COL4A4: variants seen among roughly 807,000 people sequenced by gnomAD.
COL4A4 encodes collagen alpha-4(IV) chain.
In COL4A4, 105 loss-of-function variants were observed where a neutral mutation model predicts 192.9. The ratio of observed to expected loss-of-function variants is 0.54; its 90% confidence interval spans 0.46 to 0.64. The LOEUF (loss-of-function observed/expected upper bound fraction) is 0.64, where lower values mean the gene tolerates loss of function less well. COL4A4 is among the 30% of genes least tolerant of loss of function. The pLI is 0.00. For synonymous variants in COL4A4, 762 were observed against 769.9 expected, an observed-to-expected ratio of 0.99 and a Z score of 0.17; for missense variants, 1,967 against 2,169.3, an observed-to-expected ratio of 0.91 and a Z score of 1.85.
chr2:227,143,307 A>C (rs2063342829), intron 3 of COL4A4, among the ~76,000 whole-genome samples: 1 of 152,232 alleles, frequency 6.6e-6, no homozygotes, highest in Non-Finnish European at 1.5e-5. Context: ...GGGCATATTT[A>C]TCTGTATGCA....
At chr2:227,122,329 A>G (rs1345553381) in intron 4 of COL4A4, among the ~76,000 whole-genome samples, 1 of 152,228 alleles carries the variant, frequency 6.6e-6, no homozygotes, top group Non-Finnish European at 1.5e-5. Flanking sequence ...CATACCTCTC[A>G]AAATTTTTGC....
At chr2:227,026,972 G>A (rs79981790) in intron 42 of COL4A4, among the ~76,000 whole-genome samples, 4,229 of 152,174 alleles carry the variant, frequency 0.028, 174 homozygotes, top group African/African-American at 0.097. Context: ...CAGTCTATGT[G>A]GGCCAAGCAC....
At chr2:227,154,478 G>A (rs2064186382) in intron 1 of COL4A4, among the ~76,000 whole-genome samples, 1 of 152,190 alleles carries the variant, frequency 6.6e-6, no homozygotes, top group African/African-American at 2.4e-5. Context: ...AAAGGTAACA[G>A]AAGCCTAAAA....
Position 227,108,817 on chromosome 2 carries a change from G to T in COL4A4, c.693+16C>A, listed in dbSNP as rs745976462. On this transcript the variant is annotated intron_variant, in intron 11 of 47. Transcript: ENST00000396625. Reference sequence around the variant, plus strand: ...GTTCAGGGCTCTATTGATGTATCTTGCTCATGACTGCCTACCTTCAAACCT... The same window carrying T: ...GTTCAGGGCTCTATTGATGTATCTTTCTCATGACTGCCTACCTTCAAACCT... The T allele has an allele frequency of 3.7e-6, 6 of 1,610,514 alleles. No individual in the cohort carries two copies. Among genetic ancestry groups the T allele is most frequent in the Non-Finnish European group, 3.4e-6 (4 of 1,177,836 alleles).
chr2:227,015,947 A>G (rs1009022951), intron 44 of COL4A4, among the ~76,000 whole-genome samples: 7 of 151,996 alleles, frequency 4.6e-5, no homozygotes, highest in Admixed American at 2.0e-4. Flanking sequence ...CTTTTGTAAT[A>G]AAGTTTTTTT....
At chr2:227,119,474 A>G (rs2061661985) in intron 6 of COL4A4, among the ~76,000 whole-genome samples, 2 of 148,902 alleles carry the variant, frequency 1.3e-5, no homozygotes, top group East Asian at 3.9e-4. Context: ...TACTATATAA[A>G]ATATATGTAA....
chr2:226,991,673 G>A, the COL4A4 span, among the ~76,000 whole-genome samples: 1 of 152,164 alleles, frequency 6.6e-6, no homozygotes, highest in African/African-American at 2.4e-5. Flanking sequence ...CAACAAAGGA[G>A]CTACTCAGTA....
chr2:227,160,976 T>C (rs1006428009), intron 1 of COL4A4, among the ~76,000 whole-genome samples: 6 of 152,110 alleles, frequency 3.9e-5, no homozygotes, highest in African/African-American at 7.2e-5. Flanking sequence ...GGAGATGAAA[T>C]GAAACAAGAT....
Position 227,031,860 on chromosome 2 carries a change from G to A in COL4A4, c.3817+85C>T, listed in dbSNP as rs1559454076. 6.1e-6 allele frequency: 6 copies of A among 987,220 alleles called. No individual in the cohort carries two copies. The East Asian group carries it at 1.3e-4, about 21-fold the overall frequency. 61.2% of individuals were successfully genotyped at this position (987,220 alleles called of 1,614,324 possible). A position where few individuals can be genotyped will look rare whatever the true frequency, so the allele number is the denominator to read the frequency against. On this transcript the variant is annotated intron_variant, in intron 40 of 47. Transcript: ENST00000396625. ...GGGGCTGCTTCAGTGCTTCTATTCTGCCACTCTCTGGTCCCACATTCCTCC... is the reference window on the plus strand; with the variant it reads ...GGGGCTGCTTCAGTGCTTCTATTCTACCACTCTCTGGTCCCACATTCCTCC...
At position 227,101,498 on chromosome 2, in the gene COL4A4, T is replaced by G. The variant is rs2060519383; in HGVS notation, c.1029+6A>C. 1 of 1,606,782 alleles carries G rather than the reference T, an allele frequency of 6.2e-7. No homozygotes were observed. Among genetic ancestry groups the G allele is most frequent in the Non-Finnish European group, 8.5e-7 (1 of 1,175,816 alleles). ...CAGGATATATTAAAATAGGCTCACT[T>G]TTTACCTTTGGGCCAATTAATCCAA... On this transcript the variant is annotated splice_donor_region_variant and intron_variant, in intron 17 of 47. Transcript: ENST00000396625.
intron 2 of COL4A4, 68 bp from the exon 3 acceptor site, chr2:227,144,626 G>T: frequency 7.7e-7 from 1 of 1,292,984 alleles, no homozygotes; most frequent in Non-Finnish European, 1.1e-6. Context: ...AAGAAAAAGA[G>T]TAAAGGAATT....
At chr2:227,009,346 C>G (rs1435468572) in intron 46 of COL4A4, among the ~76,000 whole-genome samples, 1 of 152,174 alleles carries the variant, frequency 6.6e-6, no homozygotes, top group African/African-American at 2.4e-5. Context: ...ACAGTGTTTC[C>G]CGGCAGCCAG....
intron 17 of COL4A4, among the ~76,000 whole-genome samples, chr2:227,101,010 G>C (rs1217674739): frequency 1.3e-5 from 2 of 151,954 alleles, no homozygotes; most frequent in African/African-American, 4.8e-5. Context: ...GGGTTTCACT[G>C]TGTTAGCCAG....
At chr2:226,973,487 C>G in the COL4A4 span, among the ~76,000 whole-genome samples, 1 of 152,184 alleles carries the variant, frequency 6.6e-6, no homozygotes, top group Non-Finnish European at 1.5e-5. Context: ...TGCCCCCATT[C>G]TAAGATTGGT....
At chr2:227,109,533 G>A (rs1463096900) in intron 9 of COL4A4, 1 of 654,346 alleles carries the variant, frequency 1.5e-6, no homozygotes, top group African/African-American at 1.8e-5. Context: ...CAGATCACGA[G>A]GTCAGGAGAT....
At chr2:227,083,897 G>A (rs1191427134) in intron 22 of COL4A4, among the ~76,000 whole-genome samples, 2 of 152,162 alleles carry the variant, frequency 1.3e-5, no homozygotes, top group African/African-American at 4.8e-5. Flanking sequence ...TCATCAGGCA[G>A]TAACAGTGAA....
rs907516096 is a variant in COL4A4 at position 227,090,450 on chromosome 2, TA to T, written c.1370-494del. 2.0e-5 allele frequency among the ~76,000 whole-genome samples: 3 copies of T among 151,938 alleles called. No homozygotes were observed. The East Asian group carries it at 5.8e-4, about 29-fold the overall frequency. On this transcript the variant is annotated intron_variant, in intron 20 of 47. Transcript: ENST00000396625. ...ATCCCAGTAGAGTAAAAGAATATTA[TA>T]AAAAAAGCATAAACTGGCCTGGTGC...
intron 20 of COL4A4, among the ~76,000 whole-genome samples, chr2:227,092,945 CAAATAACA>C (rs1247038036): frequency 1.3e-5 from 2 of 152,070 alleles, no homozygotes; most frequent in Non-Finnish European, 1.5e-5. Context: ...AGTATAGAGG[CAAATAACA>C]AAATATCCAG....
At chr2:227,100,998 C>T (rs557566840) in intron 17 of COL4A4, among the ~76,000 whole-genome samples, 109 of 152,002 alleles carry the variant, frequency 7.2e-4, no homozygotes, top group African/African-American at 2.2e-3. Context: ...TTAGTAGAGA[C>T]GGGGTTTCAC....
Sources: allele counts gnomAD v4.1 joint callset (sites outside exome capture counted in the v4.1 genomes callset), GRCh38; gene constraint gnomAD v4.1.1; transcripts MANE v1.5; gene names NCBI Gene and HGNC (gene_info 2026-07-23, HGNC 2026-07-21).